Variants in GNAQ observed in about 807,000 individuals in gnomAD.
The protein encoded by GNAQ is guanine nucleotide-binding protein G(q) subunit alpha.
In GNAQ, 8 loss-of-function variants were observed where a neutral mutation model predicts 43.9. The ratio of observed to expected loss-of-function variants is 0.18; its 90% CI spans 0.11 to 0.33. GNAQ has a LOEUF of 0.33. GNAQ is among the 10% of genes least tolerant of loss of function. The pLI is 1.00. For synonymous variants in GNAQ, 155 were observed against 170.7 expected, an observed-to-expected ratio of 0.91 and a Z score of 0.71; for missense variants, 158 against 450.8, an observed-to-expected ratio of 0.35 and a Z score of 5.88.
intron 5 of GNAQ, among the ~76,000 whole-genome samples, chr9:77,731,186 T>A (rs1252299981): frequency 6.6e-6 from 1 of 152,136 alleles, no homozygotes; most frequent in Non-Finnish European, 1.5e-5. Flanking sequence ...GACTAGACTA[T>A]GTGCAGAGAC....
At position 77,775,409 on chromosome 9, in the gene GNAQ, C is replaced by CTT. The variant is rs555902583; in HGVS notation, c.735+19052_735+19053dup. On this transcript the variant is annotated intron_variant, in intron 5 of 6. Coordinates refer to ENST00000286548, the MANE Select transcript of GNAQ (RefSeq NM_002072.5). ...AGAATGTTCACTTCTCCTCATCTCTCTTTTTTTTTTTTTTTTTTGAGACAG... is the reference window on the plus strand; with the variant it reads ...AGAATGTTCACTTCTCCTCATCTCTCTTTTTTTTTTTTTTTTTTTTGAGACAG... Among the ~76,000 whole-genome samples, 550 of 130,916 alleles carry CTT rather than the reference C, an allele frequency of 4.2e-3. 5 individuals are homozygous for CTT. The highest frequency in any genetic ancestry group is 4.5e-3 in the South Asian group (18 of 4,026). 85.9% of individuals were successfully genotyped at this position (130,916 alleles called of 152,430 possible).
chr9:77,817,935 T>C (rs915853347), intron 2 of GNAQ, among the ~76,000 whole-genome samples: 2 of 152,020 alleles, frequency 1.3e-5, no homozygotes, highest in African/African-American at 2.4e-5. Context: ...AAAATAAACA[T>C]GGCACTTTTT....
At chr9:78,019,881 G>A (rs1215766788) in intron 1 of GNAQ, among the ~76,000 whole-genome samples, 2 of 135,922 alleles carry the variant, frequency 1.5e-5, no homozygotes, top group African/African-American at 2.8e-5. Context: ...CTGAGATTGC[G>A]CCACTGCACT....
intron 4 of GNAQ, among the ~76,000 whole-genome samples, chr9:77,797,127 G>A (rs1372024883): frequency 6.6e-6 from 1 of 151,974 alleles, no homozygotes; most frequent in Non-Finnish European, 1.5e-5. Flanking sequence ...TCGCCTCCTG[G>A]GTTCAAGTGA....
chr9:77,919,966 C>T (rs1284280504), intron 2 of GNAQ, among the ~76,000 whole-genome samples: 1 of 152,044 alleles, frequency 6.6e-6, no homozygotes, highest in Non-Finnish European at 1.5e-5. Context: ...TGGTGAAACC[C>T]CGTCTCTACT....
intron 1 of GNAQ, among the ~76,000 whole-genome samples, chr9:78,029,299 A>G (rs1405314901): frequency 6.6e-6 from 1 of 152,158 alleles, no homozygotes; most frequent in Middle Eastern, 3.2e-3. Context: ...AAAATAAAAA[A>G]AAAACACAAT....
intron 1 of GNAQ, among the ~76,000 whole-genome samples, chr9:77,986,664 T>C (rs1159786821): frequency 6.6e-6 from 1 of 152,038 alleles, no homozygotes; most frequent in African/African-American, 2.4e-5. Flanking sequence ...CATCAACATG[T>C]CCAGCTAATT....
chr9:77,995,043 C>T (rs1236453005), intron 1 of GNAQ, among the ~76,000 whole-genome samples: 1 of 152,186 alleles, frequency 6.6e-6, no homozygotes, highest in Non-Finnish European at 1.5e-5. Context: ...GCTATGTGTG[C>T]TATAGCAGCT....
intron 2 of GNAQ, among the ~76,000 whole-genome samples, chr9:77,823,007 T>TCGG (rs1827140931): frequency 6.6e-6 from 1 of 151,656 alleles, no homozygotes; most frequent in African/African-American, 2.4e-5. Flanking sequence ...GTGGCAAATC[T>TCGG]CGGCTCACTG....
intron 2 of GNAQ, among the ~76,000 whole-genome samples, chr9:77,882,799 G>A (rs954045749): frequency 2.0e-5 from 3 of 151,916 alleles, no homozygotes; most frequent in Non-Finnish European, 4.4e-5. Context: ...TGTCTGTATT[G>A]TCTAAATTAT....
chr9:77,762,588 TG>T (rs1397416509), intron 5 of GNAQ, among the ~76,000 whole-genome samples: 9 of 149,052 alleles, frequency 6.0e-5, no homozygotes, highest in South Asian at 4.3e-4. Flanking sequence ...CCACCCCATC[TG>T]GGAGGTGTGA....
At chr9:77,840,384 C>T (rs1017648467) in intron 2 of GNAQ, among the ~76,000 whole-genome samples, 11 of 146,258 alleles carry the variant, frequency 7.5e-5, no homozygotes, top group Non-Finnish European at 1.0e-4. Context: ...GAGTCGGAGT[C>T]GGAGTACAGT....
chr9:77,894,364 A>AATATATG (rs1828458361), intron 2 of GNAQ, among the ~76,000 whole-genome samples: 1 of 372 alleles, frequency 2.7e-3, no homozygotes, highest in African/African-American at 6.5e-3. Context: ...GAAAATATAT[A>AATATATG]TATTATATAT....
intron 2 of GNAQ, among the ~76,000 whole-genome samples, chr9:77,845,915 GA>G (rs1827576738): frequency 6.6e-6 from 1 of 152,218 alleles, no homozygotes; most frequent in African/African-American, 2.4e-5. Context: ...CTTAAAGTGG[GA>G]GTCATGTCAC....
intron 1 of GNAQ, among the ~76,000 whole-genome samples, chr9:77,923,283 C>T (rs1159004337): frequency 2.0e-5 from 3 of 152,096 alleles, no homozygotes; most frequent in Non-Finnish European, 4.4e-5. Flanking sequence ...AGGAAAGCAA[C>T]GGTGGTTCTT....
chr9:77,827,830 A>G (rs1827223319), intron 2 of GNAQ, among the ~76,000 whole-genome samples: 1 of 152,060 alleles, frequency 6.6e-6, no homozygotes, highest in African/African-American at 2.4e-5. Context: ...AAAATATATG[A>G]GTTAGAGGAA....
At chr9:77,783,438 T>G (rs962801797) in intron 5 of GNAQ, among the ~76,000 whole-genome samples, 4 of 152,342 alleles carry the variant, frequency 2.6e-5, no homozygotes, top group African/African-American at 9.6e-5. Flanking sequence ...CAATAAGCCG[T>G]TATTTTTTAA....
intron 1 of GNAQ, among the ~76,000 whole-genome samples, chr9:77,967,994 TAAAC>T (rs1823190710): frequency 6.6e-6 from 1 of 151,984 alleles, no homozygotes; most frequent in South Asian, 2.1e-4. Flanking sequence ...AAAATAATAA[TAAAC>T]AACAACAAAA....
intron 2 of GNAQ, among the ~76,000 whole-genome samples, chr9:77,847,019 CT>C (rs1291979841): frequency 6.6e-6 from 1 of 152,170 alleles, no homozygotes; most frequent in Non-Finnish European, 1.5e-5. Flanking sequence ...ATACTTCGAA[CT>C]TCCTGAACTG....
Sources: allele counts gnomAD v4.1 joint callset (sites outside exome capture counted in the v4.1 genomes callset), GRCh38; gene constraint gnomAD v4.1.1; transcripts MANE v1.5; gene names NCBI Gene and HGNC (gene_info 2026-07-23, HGNC 2026-07-21).